The following WDR75 variants were observed in gnomAD, a reference collection of about 807,000 sequenced individuals.
The protein encoded by WDR75 is WD repeat domain 75, also known as WD repeat-containing protein 75.
Under a neutral mutation model 106.1 loss-of-function variants are expected in WDR75, and 52 were observed. That is an observed-to-expected ratio of 0.49 (90% confidence interval 0.39 to 0.62). The LOEUF is 0.62. Ranked by LOEUF, WDR75 falls within the 20% of genes least tolerant of loss-of-function variation. The pLI is 0.00. For synonymous variants in WDR75, 333 were observed against 335.5 expected (o/e 0.99, Z 0.08); for missense variants, 905 against 970.3 (o/e 0.93, Z 0.89).
At chr2:189,448,307 A>G (rs1686542168) in intron 1 of WDR75, 72 bp from the exon 2 acceptor site, 2 of 1,463,464 alleles carry the variant, frequency 1.4e-6, no homozygotes, top group East Asian at 4.8e-5. Context: ...ATGATGAAAA[A>G]TGTCTTTTTC....
chr2:189,465,105 T>G lies in WDR75; in HGVS notation c.1140T>G (p.Ile380Met), dbSNP rs372040209. The G allele has an allele frequency of 1.9e-6, 3 of 1,604,682 alleles. No individual in the cohort carries two copies. Among genetic ancestry groups the G allele is most frequent in the African/African-American group, 1.3e-5 (1 of 74,334 alleles). ...YNLDIIQQEY[I>M]NDYGLIQIEL... Reference sequence around the variant, plus strand: ...TAGATATTATACAGCAAGAATATATTAATGATTATGGTCTGATCCAAATTG... The same window carrying G: ...TAGATATTATACAGCAAGAATATATGAATGATTATGGTCTGATCCAAATTG... The change falls in exon 12 of 21, where the codon ATT (isoleucine) becomes ATG (methionine). Residue 380 changes from isoleucine (I) to methionine (M), a missense_variant. Transcript: ENST00000314761.
intron 1 of WDR75, among the ~76,000 whole-genome samples, chr2:189,444,310 G>C (rs1194905472): frequency 6.6e-6 from 1 of 152,106 alleles, no homozygotes; most frequent in Non-Finnish European, 1.5e-5. Flanking sequence ...TGGAATTTTG[G>C]CGGCTTCCTC....
intron 4 of WDR75, among the ~76,000 whole-genome samples, chr2:189,454,775 G>A (rs368245009): frequency 1.3e-5 from 2 of 151,850 alleles, no homozygotes; most frequent in Admixed American, 6.6e-5. Flanking sequence ...CACCCGCCTC[G>A]GCCTCCCAGA....
chr2:189,469,854 G>A (rs931350538), intron 16 of WDR75, among the ~76,000 whole-genome samples: 2 of 152,040 alleles, frequency 1.3e-5, no homozygotes, highest in Admixed American at 6.6e-5. Context: ...TCTGGAGCAC[G>A]AATTCTTCTT....
chr2:189,447,329 G>A (rs926171718), intron 1 of WDR75, among the ~76,000 whole-genome samples: 1 of 152,210 alleles, frequency 6.6e-6, no homozygotes, highest in African/African-American at 2.4e-5. Context: ...CTGCTACATG[G>A]AAGAAATCCA....
intron 4 of WDR75, among the ~76,000 whole-genome samples, chr2:189,454,446 T>C (rs1238390989): frequency 6.6e-6 from 1 of 152,216 alleles, no homozygotes; most frequent in Non-Finnish European, 1.5e-5. Context: ...ACATTCATAT[T>C]CTTTTTCCAT....
intron 8 of WDR75, among the ~76,000 whole-genome samples, chr2:189,460,299 C>T (rs1050703812): frequency 1.3e-5 from 2 of 152,070 alleles, no homozygotes; most frequent in Non-Finnish European, 2.9e-5. Flanking sequence ...CTGTGGTATC[C>T]TTAGAGTCTT....
chr2:189,444,534 G>A (rs1048173992), intron 1 of WDR75, among the ~76,000 whole-genome samples: 1 of 152,086 alleles, frequency 6.6e-6, no homozygotes, highest in Admixed American at 6.6e-5. Flanking sequence ...GAAACAATGA[G>A]TCATCCTTGC....
At chr2:189,467,767 A>G in intron 14 of WDR75, 119 bp downstream of exon 14, 2 of 965,480 alleles carry the variant, frequency 2.1e-6, no homozygotes, top group Admixed American at 6.8e-5. Flanking sequence ...TGGGGCAAGC[A>G]GCTAATCAAA....
chr2:189,449,700 TTA>T, intron 2 of WDR75: 1 of 989,786 alleles, frequency 1.0e-6, no homozygotes, highest in Non-Finnish European at 1.2e-6. Flanking sequence ...TTGACAGTAA[TTA>T]TATGTTTGAC....
chr2:189,450,803 A>C, intron 2 of WDR75, 100 bp from the exon 3 acceptor site: 2 of 1,545,798 alleles, frequency 1.3e-6, no homozygotes. Flanking sequence ...ACAGTGAATT[A>C]ATGAATAGAA....
At chr2:189,448,219 C>G (rs1243295740) in intron 1 of WDR75, among the ~76,000 whole-genome samples, 160 bp from the exon 2 acceptor site, 1 of 152,136 alleles carries the variant, frequency 6.6e-6, no homozygotes, top group East Asian at 1.9e-4. Flanking sequence ...GTGCTAGGCT[C>G]CCACCTGTAA....
At chr2:189,468,614 G>A (rs1297216068) in intron 15 of WDR75, 45 bp downstream of exon 15, 1 of 1,589,842 alleles carries the variant, frequency 6.3e-7, no homozygotes, top group Non-Finnish European at 8.6e-7. Context: ...AGCGCATAAG[G>A]AGTTGACATT....
At chr2:189,461,796 T>A (rs1243102706) in intron 8 of WDR75, among the ~76,000 whole-genome samples, 1 of 152,212 alleles carries the variant, frequency 6.6e-6, no homozygotes. Flanking sequence ...GGTAATAATA[T>A]TCTTAATCAC....
At chr2:189,453,531 T>A (rs1686669668) in intron 4 of WDR75, among the ~76,000 whole-genome samples, 1 of 152,158 alleles carries the variant, frequency 6.6e-6, no homozygotes, top group African/African-American at 2.4e-5. Flanking sequence ...TACTGAAAAA[T>A]TTCTCAGTTG....
At chr2:189,463,992 A>G (rs762342356) in intron 11 of WDR75, 31 bp downstream of exon 11, 2 of 1,585,878 alleles carry the variant, frequency 1.3e-6, no homozygotes, top group Admixed American at 1.7e-5. Flanking sequence ...CTTGAAATTA[A>G]TGAAAGCTCT....
At chr2:189,441,706 C>CGCCTGTGGGGGATCCCCAGGGT in intron 1 of WDR75, 128 bp downstream of exon 1, 1 of 1,061,638 alleles carries the variant, frequency 9.4e-7, no homozygotes, top group Non-Finnish European at 1.4e-6. Flanking sequence ...GTAGAGCACG[C>CGCCTGTGGGGGATCCCCAGGGT]GCCTGTGGGG....
chr2:189,450,862 TC>T, intron 2 of WDR75, 40 bp from the exon 3 acceptor site: 1 of 1,595,414 alleles, frequency 6.3e-7, no homozygotes, highest in Non-Finnish European at 8.5e-7. Context: ...TTGATGAATT[TC>T]TTTTTTTTAA....
At chr2:189,450,497 A>G (rs1686595405) in intron 2 of WDR75, 1 of 893,940 alleles carries the variant, frequency 1.1e-6, no homozygotes, top group South Asian at 4.0e-5. Context: ...CGCCTGGCTA[A>G]TTTTTGTAGG....
Sources: gnomAD v4.1 joint callset for allele counts (sites outside exome capture counted in the v4.1 genomes callset) on GRCh38, gnomAD v4.1.1 for gene constraint, MANE v1.5 for transcripts, NCBI Gene and HGNC (gene_info 2026-07-23, HGNC 2026-07-21) for gene names.